Variants in FRMD4A observed in about 807,000 individuals in gnomAD.
FRMD4A encodes FERM domain containing 4A, also known as FERM domain-containing protein 4A.
FRMD4A carries 29 observed loss-of-function variants against 129.1 expected under a neutral mutation model. The ratio of observed to expected loss-of-function variants is 0.22; its 90% CI spans 0.17 to 0.31. FRMD4A has a LOEUF of 0.31. Among genes scored for constraint, FRMD4A ranks in the 10% least tolerant of loss-of-function variants. The pLI, the probability that FRMD4A is intolerant of heterozygous loss-of-function variation, is 1.00. For synonymous variants in FRMD4A, 634 were observed against 571.6 expected (o/e 1.11, Z -1.56); for missense variants, 1,272 against 1,375.8 (o/e 0.92, Z 1.19).
At chr10:13,674,562 A>C (rs980703218) in intron 16 of FRMD4A, among the ~76,000 whole-genome samples, 1 of 152,166 alleles carries the variant, frequency 6.6e-6, no homozygotes, top group East Asian at 1.9e-4. Context: ...CAAAACCCAT[A>C]TTTTTTCCAA....
At chr10:14,304,954 G>A (rs1486116054) in intron 2 of FRMD4A, among the ~76,000 whole-genome samples, 1 of 152,166 alleles carries the variant, frequency 6.6e-6, no homozygotes, top group Non-Finnish European at 1.5e-5. Flanking sequence ...GTGGAAACGG[G>A]TTTGATAAAG....
At chr10:14,210,616 C>G (rs1220300611) in intron 2 of FRMD4A, among the ~76,000 whole-genome samples, 1 of 152,188 alleles carries the variant, frequency 6.6e-6, no homozygotes, top group Non-Finnish European at 1.5e-5. Context: ...CTAAAGACCA[C>G]AGATGGACAA....
At chr10:13,746,813 AG>A (rs2091313994) in intron 9 of FRMD4A, among the ~76,000 whole-genome samples, 1 of 152,214 alleles carries the variant, frequency 6.6e-6, no homozygotes, top group Admixed American at 6.5e-5. Context: ...GGAACCCAGT[AG>A]GATTTCAAAA....
chr10:14,028,775 G>T (rs181574446), intron 2 of FRMD4A, among the ~76,000 whole-genome samples: 18 of 152,326 alleles, frequency 1.2e-4, no homozygotes, highest in African/African-American at 4.3e-4. Context: ...ACCTCCTGAG[G>T]TTGGGATTTG....
chr10:14,210,624 C>T lies in FRMD4A; in HGVS notation c.45+119434G>A, dbSNP rs551111547. 1.8e-4 allele frequency among the ~76,000 whole-genome samples: 28 copies of T among 152,298 alleles called. No homozygotes were observed. In the South Asian group the frequency reaches 4.4e-3, roughly 24 times the overall value. On this transcript the variant is annotated intron_variant, in intron 2 of 24. Coordinates refer to ENST00000357447, the MANE Select transcript of FRMD4A (RefSeq NM_018027.5). ...GTAGGTGCTAAAGACCACAGATGGA[C>T]AAGTCAGGGTCCTGGCCCCTAAGGA...
chr10:13,685,056 C>G (rs544155889), intron 15 of FRMD4A: 246 of 985,062 alleles, frequency 2.5e-4, no homozygotes, highest in Middle Eastern at 2.1e-3. Flanking sequence ...AAAGATGTCC[C>G]AGGAGACCAC....
intron 24 of FRMD4A, 36 bp downstream of exon 24, chr10:13,651,867 T>C: frequency 2.0e-6 from 2 of 1,021,360 alleles, no homozygotes; most frequent in Non-Finnish European, 3.1e-6. Flanking sequence ...GACCACAGAC[T>C]CATGGGCAGT....
At chr10:14,199,517 G>A (rs1045271183) in intron 2 of FRMD4A, among the ~76,000 whole-genome samples, 8 of 151,704 alleles carry the variant, frequency 5.3e-5, no homozygotes, top group African/African-American at 1.9e-4. Flanking sequence ...AGCCTCCCAA[G>A]TAGCTGGGAT....
At position 14,043,479 on chromosome 10, in the gene FRMD4A, C is replaced by T. The variant is rs190988188; in HGVS notation, c.46-184567G>A. Among the ~76,000 whole-genome samples the T allele has an allele frequency of 2.6e-5, 4 of 152,316 alleles. No individual in the cohort carries two copies. In the East Asian group the frequency reaches 7.7e-4, roughly 29 times the overall value. ...TTTCTTGAATTCTCCCATTTCATCT[C>T]CTCTATTCCTCTCTGATGTGCAGTT... On this transcript the variant is annotated intron_variant, in intron 2 of 24. Transcript: ENST00000357447.
intron 2 of FRMD4A, among the ~76,000 whole-genome samples, chr10:13,910,888 G>GAAAAAAAAAAAAAAAA (rs141449954): frequency 1.2e-5 from 1 of 83,100 alleles, no homozygotes; most frequent in African/African-American, 5.0e-5. Context: ...GGAGTTTCAT[G>GAAAAAAAAAAAAAAAA]AAAAAAAAAA....
intron 2 of FRMD4A, among the ~76,000 whole-genome samples, chr10:13,881,558 A>G (rs948211104): frequency 6.6e-6 from 1 of 152,178 alleles, no homozygotes; most frequent in African/African-American, 2.4e-5. Context: ...CCTGGGCTGG[A>G]GCAGGAAACA....
chr10:14,286,913 G>T (rs72778694), intron 2 of FRMD4A, among the ~76,000 whole-genome samples: 2,226 of 151,992 alleles, frequency 0.015, 48 homozygotes, highest in South Asian at 0.063. Flanking sequence ...CTGCTGCTGA[G>T]GCCACCAAAA....
At chr10:13,818,102 C>A (rs924952896) in intron 3 of FRMD4A, among the ~76,000 whole-genome samples, 6 of 152,122 alleles carry the variant, frequency 3.9e-5, no homozygotes, top group Admixed American at 1.3e-4. Flanking sequence ...GTTTTCTCAT[C>A]TGTACAATGA....
intron 2 of FRMD4A, among the ~76,000 whole-genome samples, chr10:13,881,554 C>A (rs1372366936): frequency 6.6e-6 from 1 of 152,092 alleles, no homozygotes; most frequent in Non-Finnish European, 1.5e-5. Flanking sequence ...GGGCCCTGGG[C>A]TGGAGCAGGA....
intron 2 of FRMD4A, among the ~76,000 whole-genome samples, chr10:14,110,125 TAAAAAAAAAA>T (rs1554761010): frequency 1.1e-5 from 1 of 89,520 alleles, no homozygotes; most frequent in East Asian, 3.5e-4. Context: ...CGAGATGCTG[TAAAAAAAAAA>T]AAAAAAAAAA....
intron 22 of FRMD4A, chr10:13,655,517 T>C (rs2082065034): frequency 6.6e-6 from 1 of 150,440 alleles, no homozygotes; most frequent in East Asian, 1.9e-4. Context: ...ACCTGATCTT[T>C]GGAGCTTGTC....
At chr10:13,674,779 C>G in intron 16 of FRMD4A, 132 bp downstream of exon 16, 2 of 1,014,598 alleles carry the variant, frequency 2.0e-6, no homozygotes, top group Non-Finnish European at 3.0e-6. Flanking sequence ...CTTTTTATCA[C>G]TACCCTTGCC....
At chr10:13,917,657 C>T (rs1372229918) in intron 2 of FRMD4A, among the ~76,000 whole-genome samples, 1 of 152,126 alleles carries the variant, frequency 6.6e-6, no homozygotes, top group African/African-American at 2.4e-5. Context: ...ACAAACAAAT[C>T]AAGGACTGTA....
intron 2 of FRMD4A, among the ~76,000 whole-genome samples, chr10:13,929,527 C>G (rs2095170677): frequency 6.6e-6 from 1 of 152,114 alleles, no homozygotes; most frequent in African/African-American, 2.4e-5. Context: ...AGATAAGAAC[C>G]AACATCACCT....
Sources: allele counts gnomAD v4.1 joint callset (sites outside exome capture counted in the v4.1 genomes callset), GRCh38; gene constraint gnomAD v4.1.1; transcripts MANE v1.5; gene names NCBI Gene and HGNC (gene_info 2026-07-23, HGNC 2026-07-21).